The following CRPPA variants were observed in gnomAD, a reference collection of about 807,000 sequenced individuals.
The protein encoded by CRPPA is D-ribitol-5-phosphate cytidylyltransferase.
CRPPA carries 43 observed loss-of-function variants against 52.0 expected under a neutral mutation model. The ratio of observed to expected loss-of-function variants is 0.83; its 90% confidence interval spans 0.65 to 1.07. CRPPA has a LOEUF of 1.07. Ranked by LOEUF, CRPPA falls within the 50% of genes least tolerant of loss-of-function variation. The pLI is 0.00. For missense variants in CRPPA, 629 were observed against 551.7 expected (o/e 1.14, Z -1.40); for synonymous variants, 250 against 203.5 (o/e 1.23, Z -1.94).
At chr7:16,193,329 T>C (rs972549342) in intron 9 of CRPPA, among the ~76,000 whole-genome samples, 1 of 152,134 alleles carries the variant, frequency 6.6e-6, no homozygotes, top group African/African-American at 2.4e-5. Flanking sequence ...TTCCAATATT[T>C]GTTTGTAGTA....
At chr7:16,269,120 G>A (rs1667241274) in intron 6 of CRPPA, 1 of 152,200 alleles carries the variant, frequency 6.6e-6, no homozygotes, top group Non-Finnish European at 1.5e-5. Context: ...CCAGAAGCTT[G>A]CTGGTTCATC....
chr7:16,092,713 T>G (rs1452628282), intron 9 of CRPPA, among the ~76,000 whole-genome samples: 1 of 152,214 alleles, frequency 6.6e-6, no homozygotes, highest in East Asian at 1.9e-4. Flanking sequence ...AATATAGATC[T>G]GATCACATCA....
chr7:16,139,573 G>C (rs1367245687), intron 9 of CRPPA, among the ~76,000 whole-genome samples: 1 of 152,012 alleles, frequency 6.6e-6, no homozygotes, highest in Non-Finnish European at 1.5e-5. Context: ...TAATTTTAAT[G>C]TTAAAAACTG....
intron 9 of CRPPA, among the ~76,000 whole-genome samples, chr7:16,187,251 C>T (rs948368158): frequency 5.3e-5 from 8 of 152,092 alleles, no homozygotes; most frequent in African/African-American, 1.7e-4. Flanking sequence ...CTGTCTGTTC[C>T]ACTCATATGC....
intron 3 of CRPPA, among the ~76,000 whole-genome samples, chr7:16,367,329 G>C (rs1786625658): frequency 6.6e-6 from 1 of 152,066 alleles, no homozygotes; most frequent in African/African-American, 2.4e-5. Context: ...GAACAACTAA[G>C]CAAAAACAGC....
At chr7:16,259,908 A>G (rs1783750414) in intron 6 of CRPPA, among the ~76,000 whole-genome samples, 1 of 151,994 alleles carries the variant, frequency 6.6e-6, no homozygotes, top group Non-Finnish European at 1.5e-5. Flanking sequence ...ATACTGGAGA[A>G]TGAGAAAGGA....
chr7:16,396,832 C>T (rs1185844117), intron 2 of CRPPA, among the ~76,000 whole-genome samples: 3 of 152,182 alleles, frequency 2.0e-5, no homozygotes, highest in Non-Finnish European at 2.9e-5. Flanking sequence ...ATGGAATACG[C>T]TATACGTATG....
chr7:16,403,038 A>T (rs1016343089), intron 2 of CRPPA, among the ~76,000 whole-genome samples: 1 of 152,222 alleles, frequency 6.6e-6, no homozygotes, highest in South Asian at 2.1e-4. Flanking sequence ...GAGAAAAGGC[A>T]AATTACTTTC....
intron 3 of CRPPA, among the ~76,000 whole-genome samples, chr7:16,361,818 G>A (rs779837864): frequency 7.2e-5 from 11 of 152,124 alleles, no homozygotes; most frequent in South Asian, 2.1e-4. Flanking sequence ...AATTAAAATC[G>A]TAAATTTAGT....
chr7:16,251,242 C>A (rs1376915239), intron 8 of CRPPA, among the ~76,000 whole-genome samples: 1 of 152,040 alleles, frequency 6.6e-6, no homozygotes, highest in East Asian at 1.9e-4. Flanking sequence ...TCTTAGAGAC[C>A]TACAAAGAGA....
intron 2 of CRPPA, among the ~76,000 whole-genome samples, chr7:16,402,808 A>G (rs1034402598): frequency 1.3e-5 from 2 of 152,178 alleles, no homozygotes; most frequent in Admixed American, 6.5e-5. Flanking sequence ...AGAGTGTATC[A>G]TATATACAGT....
chr7:16,212,811 G>C (rs1214512690), intron 9 of CRPPA, among the ~76,000 whole-genome samples: 1 of 152,178 alleles, frequency 6.6e-6, no homozygotes, highest in African/African-American at 2.4e-5. Context: ...TGTCCGAGGT[G>C]ATATAACTAG....
chr7:16,378,094 T>A (rs1369201272), intron 2 of CRPPA, among the ~76,000 whole-genome samples: 1 of 151,302 alleles, frequency 6.6e-6, no homozygotes, highest in African/African-American at 2.4e-5. Context: ...ATTTTTCCTT[T>A]TTTTTTAATT....
At position 16,421,246 on chromosome 7, in the gene CRPPA, T is replaced by G. The variant is rs886044190; in HGVS notation, c.77A>C (p.His26Pro). 6.8e-6 allele frequency: 9 copies of G among 1,324,824 alleles called. No individual in the cohort carries two copies. The highest frequency in any genetic ancestry group is 8.7e-6 in the Non-Finnish European group (9 of 1,030,352). 82.1% of individuals were successfully genotyped at this position (1,324,824 alleles called of 1,614,324 possible). ...PCLSGQRGAD[H>P]TASASLQSVA... ...GCTCTGCAGGGAGGCGGAAGCCGTGTGGTCCGCGCCGCGCTGACCACTCAG... is the reference window on the plus strand; with the variant it reads ...GCTCTGCAGGGAGGCGGAAGCCGTGGGGTCCGCGCCGCGCTGACCACTCAG... Residue 26 changes from histidine (H) to proline (P), a missense_variant, in exon 1 of 10, where the codon CAC (histidine) becomes CCC (proline). Transcript: ENST00000407010.
chr7:16,182,870 G>A (rs1204256774), intron 9 of CRPPA, among the ~76,000 whole-genome samples: 1 of 152,128 alleles, frequency 6.6e-6, no homozygotes, highest in Non-Finnish European at 1.5e-5. Flanking sequence ...ATGCGCCAAT[G>A]ACGCTGAGTT....
chr7:16,382,989 A>G (rs560742028), intron 2 of CRPPA, among the ~76,000 whole-genome samples: 8 of 152,188 alleles, frequency 5.3e-5, no homozygotes, highest in African/African-American at 1.4e-4. Context: ...TCTTCTCTCA[A>G]CTCGTCAAAG....
chr7:16,121,247 TG>T (rs1782474570), intron 9 of CRPPA, among the ~76,000 whole-genome samples: 1 of 152,080 alleles, frequency 6.6e-6, no homozygotes, highest in Non-Finnish European at 1.5e-5. Flanking sequence ...TAGATTTATT[TG>T]TTATTTTATG....
intron 9 of CRPPA, among the ~76,000 whole-genome samples, chr7:16,111,755 G>A (rs564778248): frequency 2.6e-5 from 4 of 152,126 alleles, no homozygotes; most frequent in African/African-American, 9.7e-5. Flanking sequence ...TCCAAAAGAT[G>A]GGGTTAGGGG....
chr7:16,105,317 T>A (rs1449896611), intron 9 of CRPPA, among the ~76,000 whole-genome samples: 1 of 152,152 alleles, frequency 6.6e-6, no homozygotes, highest in Non-Finnish European at 1.5e-5. Context: ...AGAAGAATGA[T>A]CTCACTCCAA....
Sources: allele counts gnomAD v4.1 joint callset (sites outside exome capture counted in the v4.1 genomes callset), GRCh38; gene constraint gnomAD v4.1.1; transcripts MANE v1.5; gene names NCBI Gene and HGNC (gene_info 2026-07-23, HGNC 2026-07-21).